The following RPAP2 variants were observed in gnomAD, a reference collection of about 807,000 sequenced individuals.
RPAP2 encodes the protein RNA polymerase II associated protein 2.
RPAP2 carries 52 observed loss-of-function variants against 73.1 expected under a neutral mutation model. The ratio of observed to expected loss-of-function variants is 0.71; its 90% CI spans 0.57 to 0.90. The LOEUF (loss-of-function observed/expected upper bound fraction) is 0.90. Ranked by LOEUF, RPAP2 falls within the 40% of genes least tolerant of loss-of-function variation. The probability of loss-of-function intolerance (pLI) is 0.00; values close to 1 mark genes in which losing one functional copy is unlikely to be tolerated. For synonymous variants in RPAP2, 225 were observed against 242.1 expected, an observed-to-expected ratio of 0.93 and a Z score of 0.65; for missense variants, 598 against 701.8, an observed-to-expected ratio of 0.85 and a Z score of 1.67.
At position 92,383,965 on chromosome 1, in the gene RPAP2, A is replaced by G. The variant is rs567313915; in HGVS notation, c.*-3046A>G. Among the ~76,000 whole-genome samples, 12 of 41,998 alleles carry G rather than the reference A, an allele frequency of 2.9e-4. No homozygotes were observed. In the East Asian group the frequency reaches 8.8e-3, roughly 31 times the overall value. The allele number at this position is 41,998 out of a possible 152,430, so 27.6% of individuals were successfully genotyped here. ...TTATTATTTGAATTTTTATAAAACA[A>G]TCTTTTTTTTTTTGAGACGGAGTCT... On this transcript the variant is annotated intron_variant, in intron 12 of 12. Coordinates refer to ENST00000610020, the MANE Select transcript of RPAP2 (RefSeq NM_024813.3).
intron 12 of RPAP2, among the ~76,000 whole-genome samples, chr1:92,385,746 C>A (rs1655839104): frequency 6.6e-6 from 1 of 151,998 alleles, no homozygotes; most frequent in African/African-American, 2.4e-5. Context: ...TTTCTCCAAA[C>A]AAACAAACAA....
At chr1:92,365,460 G>T (rs1654897581) in intron 11 of RPAP2, among the ~76,000 whole-genome samples, 1 of 152,184 alleles carries the variant, frequency 6.6e-6, no homozygotes, top group Non-Finnish European at 1.5e-5. Context: ...ATGGGCATAA[G>T]AATTTTTTAA....
chr1:92,322,279 G>A (rs1261343257), intron 7 of RPAP2, among the ~76,000 whole-genome samples: 1 of 150,706 alleles, frequency 6.6e-6, no homozygotes, highest in African/African-American at 2.4e-5. Flanking sequence ...TTTTAAAAAG[G>A]TCAGCCAGTA....
chr1:92,315,111 CAAAA>C (rs752090057), intron 6 of RPAP2, among the ~76,000 whole-genome samples: 2 of 135,888 alleles, frequency 1.5e-5, no homozygotes, highest in Admixed American at 1.5e-4. Context: ...GTTGCAGTCT[CAAAA>C]AAAAAAAAAA....
At chr1:92,312,969 G>A (rs1451237976) in intron 6 of RPAP2, among the ~76,000 whole-genome samples, 2 of 152,104 alleles carry the variant, frequency 1.3e-5, no homozygotes, top group East Asian at 1.9e-4. Context: ...AGGCTCAAGC[G>A]ATTCTCATGC....
chr1:92,308,212 T>C (rs915250502), intron 6 of RPAP2, among the ~76,000 whole-genome samples: 33 of 152,214 alleles, frequency 2.2e-4, no homozygotes, highest in Admixed American at 2.2e-3. Context: ...GATCCAATCC[T>C]GTGTGGTTTA....
chr1:92,328,626 C>T (rs1652781879), intron 8 of RPAP2, among the ~76,000 whole-genome samples: 1 of 152,104 alleles, frequency 6.6e-6, no homozygotes, highest in South Asian at 2.1e-4. Flanking sequence ...AATAATTGAC[C>T]TTCTGAATCC....
At chr1:92,316,886 G>A (rs1184782802) in intron 6 of RPAP2, among the ~76,000 whole-genome samples, 1 of 152,146 alleles carries the variant, frequency 6.6e-6, no homozygotes, top group Non-Finnish European at 1.5e-5. Flanking sequence ...TTCAGTGTCA[G>A]GTACCATTCT....
chr1:92,340,051 A>G (rs573897150), intron 10 of RPAP2, among the ~76,000 whole-genome samples: 1 of 152,286 alleles, frequency 6.6e-6, no homozygotes, highest in Non-Finnish European at 1.5e-5. Flanking sequence ...CTACTTTTAT[A>G]TATGTTTGAA....
intron 8 of RPAP2, among the ~76,000 whole-genome samples, chr1:92,329,773 A>G (rs1253866675): frequency 2.0e-5 from 3 of 152,226 alleles, no homozygotes; most frequent in Non-Finnish European, 2.9e-5. Flanking sequence ...GCCTTTTTAT[A>G]TAATACTGGA....
intron 12 of RPAP2, among the ~76,000 whole-genome samples, chr1:92,383,218 G>T (rs1405131328): frequency 1.3e-5 from 2 of 152,096 alleles, no homozygotes; most frequent in African/African-American, 4.8e-5. Context: ...CTCCAGCTTT[G>T]TTCTTTTGGC....
intron 5 of RPAP2, among the ~76,000 whole-genome samples, chr1:92,305,911 A>G (rs868424808): frequency 2.0e-5 from 3 of 152,208 alleles, no homozygotes; most frequent in East Asian, 3.8e-4. Context: ...CACATTCTCT[A>G]TAATTAAGCC....
intron 8 of RPAP2, among the ~76,000 whole-genome samples, chr1:92,325,283 C>T (rs147189656): frequency 6.6e-6 from 1 of 152,144 alleles, no homozygotes; most frequent in Non-Finnish European, 1.5e-5. Context: ...AATTTAAAAG[C>T]ACATTGGAGA....
chr1:92,332,501 T>C (rs1469522637), intron 8 of RPAP2, among the ~76,000 whole-genome samples: 2 of 152,150 alleles, frequency 1.3e-5, no homozygotes, highest in Non-Finnish European at 2.9e-5. Context: ...AAACATTGTA[T>C]ATTAAAAATT....
At chr1:92,348,643 C>T (rs919484439) in intron 11 of RPAP2, among the ~76,000 whole-genome samples, 4 of 152,158 alleles carry the variant, frequency 2.6e-5, no homozygotes, top group Non-Finnish European at 5.9e-5. Context: ...TTTCTGCCCC[C>T]ACTGGAAATC....
At chr1:92,367,831 G>A (rs1473271911) in intron 11 of RPAP2, among the ~76,000 whole-genome samples, 7 of 152,164 alleles carry the variant, frequency 4.6e-5, no homozygotes, top group East Asian at 1.9e-4. Flanking sequence ...GTGTTGTTCC[G>A]TGTCATTTTA....
In RPAP2 at chr1:92,387,016, T is replaced by A. The variant is rs780732922; in HGVS notation, c.*5T>A. 2.2e-5 allele frequency: 35 copies of A among 1,590,390 alleles called. No homozygotes were observed. The highest frequency in any genetic ancestry group is 2.9e-5 in the Non-Finnish European group (34 of 1,164,128). ...TATCCTTTTTTGCTTCACAGATATA[T>A]TCCATGAAGACAAAATAGAAGATGA... On this transcript the variant is annotated 3_prime_UTR_variant, in exon 13 of 13. Transcript: ENST00000610020.
Position 92,392,575 on chromosome 1 carries a change from G to A in RPAP2, c.*5564G>A, listed in dbSNP as rs1656081870. On this transcript the variant is annotated 3_prime_UTR_variant, in exon 13 of 13. Coordinates refer to ENST00000610020, the MANE Select transcript of RPAP2 (RefSeq NM_024813.3). ...GAAAGCAATAAAGCATATTCAAATA[G>A]GAAGAGAGGAAGTCAAATTGTCTCT... is the stretch of plus-strand genomic sequence containing the variant. 1 of 152,174 alleles carries A rather than the reference G, an allele frequency of 6.6e-6. No individual in the cohort carries two copies. Among genetic ancestry groups the A allele is most frequent in the Non-Finnish European group, 1.5e-5 (1 of 68,040 alleles). 9.4% of individuals were successfully genotyped at this position (152,174 alleles called of 1,614,324 possible).
intron 11 of RPAP2, among the ~76,000 whole-genome samples, chr1:92,361,909 A>G (rs1044106036): frequency 2.0e-5 from 3 of 152,206 alleles, no homozygotes; most frequent in African/African-American, 7.2e-5. Flanking sequence ...CCAGGTCGAT[A>G]GAGGTGGCAC....
Sources: gnomAD v4.1 joint callset for allele counts (sites outside exome capture counted in the v4.1 genomes callset) on GRCh38, gnomAD v4.1.1 for gene constraint, MANE v1.5 for transcripts, NCBI Gene and HGNC (gene_info 2026-07-23, HGNC 2026-07-21) for gene names.